The following PCSK5 variants were observed in gnomAD, a reference collection of about 807,000 sequenced individuals.
PCSK5 encodes proprotein convertase subtilisin/kexin type 5, also known as prohormone convertase 5.
Under a neutral mutation model 233.2 loss-of-function variants are expected in PCSK5, and 129 were observed. The observed-to-expected ratio is 0.55, with a 90% CI of 0.48 to 0.64. PCSK5 has a LOEUF of 0.64. PCSK5 is among the 30% of genes least tolerant of loss of function. The probability of loss-of-function intolerance (pLI) is 0.00; values close to 1 mark genes in which losing one functional copy is unlikely to be tolerated. For missense variants in PCSK5, 2,076 were observed against 2,430.1 expected, an observed-to-expected ratio of 0.85 and a Z score of 3.06; for synonymous variants, 825 against 879.2, an observed-to-expected ratio of 0.94 and a Z score of 1.09.
At chr9:76,134,671 C>G (rs1023744930) in intron 10 of PCSK5, among the ~76,000 whole-genome samples, 1 of 151,928 alleles carries the variant, frequency 6.6e-6, no homozygotes, top group Admixed American at 6.6e-5. Flanking sequence ...TGTTATAAAT[C>G]TTCCACAAAG....
intron 1 of PCSK5, among the ~76,000 whole-genome samples, chr9:75,894,544 G>A (rs1014084164): frequency 6.6e-6 from 1 of 152,184 alleles, no homozygotes; most frequent in Non-Finnish European, 1.5e-5. Context: ...TTTTGTGAAT[G>A]GTTGTGCCTT....
chr9:76,354,550 C>A (rs1830249104), intron 37 of PCSK5, among the ~76,000 whole-genome samples: 1 of 152,074 alleles, frequency 6.6e-6, no homozygotes, highest in Admixed American at 6.6e-5. Flanking sequence ...GAGGGTGAGG[C>A]AGACAGATGG....
intron 10 of PCSK5, among the ~76,000 whole-genome samples, chr9:76,153,689 G>T (rs1314825931): frequency 1.3e-5 from 2 of 152,114 alleles, no homozygotes; most frequent in Non-Finnish European, 2.9e-5. Flanking sequence ...AAACGTTAAG[G>T]GTGCCTTTAC....
At chr9:76,045,918 TGTTA>T (rs1829352710) in intron 5 of PCSK5, among the ~76,000 whole-genome samples, 1 of 152,108 alleles carries the variant, frequency 6.6e-6, no homozygotes, top group Non-Finnish European at 1.5e-5. Context: ...TCTGAGAGAT[TGTTA>T]GTTAATTTGC....
intron 4 of PCSK5, among the ~76,000 whole-genome samples, chr9:76,024,493 AC>A (rs1416626956): frequency 1.3e-5 from 2 of 152,224 alleles, no homozygotes; most frequent in Non-Finnish European, 2.9e-5. Context: ...AGGAGAATAA[AC>A]TGTAGCCTGA....
intron 24 of PCSK5, among the ~76,000 whole-genome samples, chr9:76,290,882 T>A (rs1352131309): frequency 6.6e-6 from 1 of 152,268 alleles, no homozygotes; most frequent in Non-Finnish European, 1.5e-5. Context: ...CTTCAGAATC[T>A]GTGACTTTCC....
chr9:76,086,445 G>A (rs1196285869), intron 7 of PCSK5, among the ~76,000 whole-genome samples: 1 of 152,134 alleles, frequency 6.6e-6, no homozygotes, highest in African/African-American at 2.4e-5. Context: ...GGAGTGACCG[G>A]AAGTTAATCA....
rs150213887 is a variant in PCSK5 at position 76,186,243 on chromosome 9, T to G, written c.2282+1486T>G. Reference sequence around the variant, plus strand: ...AGAACACATCTCAATTCAGACAAAATTGTTTTTATGAGAAATATTTGATCT... The same window carrying G: ...AGAACACATCTCAATTCAGACAAAAGTGTTTTTATGAGAAATATTTGATCT... On this transcript the variant is annotated intron_variant, in intron 17 of 37. Transcript: ENST00000674117. 5.7e-3 allele frequency among the ~76,000 whole-genome samples: 866 copies of G among 152,306 alleles called. 7 individuals carry two copies. Among genetic ancestry groups the G allele is most frequent in the African/African-American group, 0.019 (771 of 41,558 alleles).
chr9:76,075,036 A>G (rs1830596641), intron 7 of PCSK5, among the ~76,000 whole-genome samples: 2 of 152,200 alleles, frequency 1.3e-5, no homozygotes, highest in South Asian at 4.2e-4. Flanking sequence ...CCTGGCCAAC[A>G]TGGCAAAATC....
At chr9:75,959,620 A>C (rs369157988) in intron 2 of PCSK5, among the ~76,000 whole-genome samples, 25 of 152,166 alleles carry the variant, frequency 1.6e-4, no homozygotes, top group Non-Finnish European at 3.7e-4. Context: ...TGAATGCCCC[A>C]TGTCCAGCAG....
intron 5 of PCSK5, among the ~76,000 whole-genome samples, chr9:76,035,830 G>C (rs1828838750): frequency 6.6e-6 from 1 of 152,082 alleles, no homozygotes; most frequent in Non-Finnish European, 1.5e-5. Context: ...AAGAGGTAGA[G>C]ACTGAGGCCC....
At chr9:76,109,446 A>AAC (rs1405874465) in intron 9 of PCSK5, among the ~76,000 whole-genome samples, 1 of 151,750 alleles carries the variant, frequency 6.6e-6, no homozygotes, top group Non-Finnish European at 1.5e-5. Flanking sequence ...TTTTAAAAAA[A>AAC]AAACAGTTCT....
At position 76,123,278 on chromosome 9, in the gene PCSK5, G is replaced by A. The variant is rs187073425; in HGVS notation, c.1209-10831G>A. ...TTTTAAGTGTTTTTGAATCTAAAACGTTATATTGTTTGCAATGAATCCTCC... is the reference window on the plus strand; with the variant it reads ...TTTTAAGTGTTTTTGAATCTAAAACATTATATTGTTTGCAATGAATCCTCC... On this transcript the variant is annotated intron_variant, in intron 9 of 37. Coordinates refer to ENST00000674117, the MANE Select transcript of PCSK5 (RefSeq NM_001372043.1). Among the ~76,000 whole-genome samples, 435 of 152,162 alleles carry A rather than the reference G, an allele frequency of 2.9e-3. 4 individuals carry two copies. Among genetic ancestry groups the A allele is most frequent in the African/African-American group, 9.9e-3 (411 of 41,520 alleles).
intron 1 of PCSK5, among the ~76,000 whole-genome samples, chr9:75,909,492 T>A (rs537844673): frequency 1.7e-3 from 264 of 152,172 alleles, no homozygotes; most frequent in African/African-American, 6.2e-3. Context: ...GGTCAGGAGT[T>A]CTAGACCAGC....
chr9:75,918,698 A>G (rs1230655353), intron 1 of PCSK5, among the ~76,000 whole-genome samples: 1 of 152,208 alleles, frequency 6.6e-6, no homozygotes, highest in Non-Finnish European at 1.5e-5. Context: ...GCAGCACTTT[A>G]CTAGAAATGC....
chr9:75,938,860 G>C (rs1015287230), intron 2 of PCSK5, among the ~76,000 whole-genome samples: 3 of 152,102 alleles, frequency 2.0e-5, no homozygotes, highest in Non-Finnish European at 4.4e-5. Flanking sequence ...TGCCAGAGTG[G>C]GGGTACATTT....
intron 16 of PCSK5, among the ~76,000 whole-genome samples, chr9:76,182,852 A>G (rs1331382): frequency 0.036 from 5,486 of 152,322 alleles, 214 homozygotes; most frequent in African/African-American, 0.089. Flanking sequence ...GTTTAAAAGA[A>G]CAAGAGTTAT....
rs187929978 is a variant in PCSK5 at position 76,044,532 on chromosome 9, G to A, written c.632+17495G>A. On this transcript the variant is annotated intron_variant, in intron 5 of 37. Transcript: ENST00000674117. The stretch of plus-strand genomic sequence containing the variant: ...ATTATCTTCTGTGTGTAAAACAGTG[G>A]GGGAAATAAAAGCTACCAGCAGTTT... 4.6e-5 allele frequency among the ~76,000 whole-genome samples: 7 copies of A among 152,264 alleles called. No individual in the cohort carries two copies. In the East Asian group the frequency reaches 1.4e-3, roughly 29 times the overall value.
In PCSK5 at chr9:75,912,141, G is replaced by A. The variant is rs1276702738; in HGVS notation, c.193-20238G>A. 6.0e-5 allele frequency among the ~76,000 whole-genome samples: 9 copies of A among 151,206 alleles called. No homozygotes were observed. In the East Asian group the frequency reaches 1.5e-3, roughly 26 times the overall value. ...AGCAGGGAAGAGGGGAACAGAGACT[G>A]GAAATTTTTTTTTCGATTGTAAACA... On this transcript the variant is annotated intron_variant, in intron 1 of 37. Coordinates refer to ENST00000674117, the MANE Select transcript of PCSK5 (RefSeq NM_001372043.1).
Sources: allele counts gnomAD v4.1 joint callset (sites outside exome capture counted in the v4.1 genomes callset), GRCh38; gene constraint gnomAD v4.1.1; transcripts MANE v1.5; gene names NCBI Gene and HGNC (gene_info 2026-07-23, HGNC 2026-07-21).